The following FRYL variants were observed in gnomAD, a reference collection of about 807,000 sequenced individuals.
The protein encoded by FRYL is FRY like transcription coactivator, also known as protein furry homolog-like.
Under a neutral mutation model 351.2 loss-of-function variants are expected in FRYL, and 150 were observed. The observed-to-expected ratio is 0.43, with a 90% confidence interval of 0.37 to 0.49. The LOEUF is 0.49. FRYL is among the 20% of genes least tolerant of loss of function. FRYL has a pLI of 0.00. For synonymous variants in FRYL, 1,153 were observed against 1,257.1 expected (o/e 0.92, Z 1.75); for missense variants, 3,036 against 3,619.3 (o/e 0.84, Z 4.13).
rs758931104 is a variant in FRYL, at chr4:48,562,878, T to C, written c.3696+11A>G. The C allele has an allele frequency of 6.5e-5, 93 of 1,439,834 alleles. 1 individual carries two copies. The South Asian group carries it at 1.0e-3, about 16-fold the overall frequency. The allele number at this position is 1,439,834 out of a possible 1,614,324, so 89.2% of individuals were successfully genotyped here. On this transcript the variant is annotated intron_variant, in intron 32 of 63. Transcript: ENST00000358350. ...GAGTAAAAAAATATTTAAATTCACA[T>C]GTTTACAAACCTGTAAAAGTTGCAT... is the stretch of plus-strand genomic sequence containing the variant.
At chr4:48,606,849 T>C (rs754220151) in intron 9 of FRYL, among the ~76,000 whole-genome samples, 1 of 151,270 alleles carries the variant, frequency 6.6e-6, no homozygotes, top group African/African-American at 2.5e-5. Context: ...TTTATTCCTA[T>C]AATATTATCA....
At chr4:48,716,925 T>C (rs1408382050) in intron 1 of FRYL, among the ~76,000 whole-genome samples, 4 of 151,002 alleles carry the variant, frequency 2.6e-5, no homozygotes, top group Non-Finnish European at 4.4e-5. Context: ...ATATACACCA[T>C]GGAATACTAT....
At position 48,565,608 on chromosome 4, in the gene FRYL, T is replaced by A. The variant is rs2149079211; in HGVS notation, c.3253A>T (p.Ser1085Cys). 6.2e-7 allele frequency: 1 copy of A among 1,613,956 alleles called. No individual in the cohort carries two copies. The highest frequency in any genetic ancestry group is 8.5e-7 in the Non-Finnish European group (1 of 1,179,960). The change falls in exon 29 of 64, where the codon AGC (serine) becomes TGC (cysteine). Residue 1085 changes from serine (S) to cysteine (C), a missense_variant. Ser to Cys is a moderately radical substitution (Grantham distance 112, BLOSUM62 -1). Around this residue, in one of 7 missense-constraint regions of FRYL, gnomAD observed 1,987 missense variants for 2,311.7 expected, o/e 0.86. Transcript: ENST00000358350. ...MLFSHWAGPF[S>C]IMFTPLDRYS... ...CTGTCCAAGGGCGTAAACATGATGC[T>A]AAAAGGACCTGCCCAGTGACTGAAC...
chr4:48,558,493 A>G (rs1336781389), intron 33 of FRYL, among the ~76,000 whole-genome samples: 2 of 152,224 alleles, frequency 1.3e-5, no homozygotes, highest in Non-Finnish European at 2.9e-5. Context: ...CTGCAGGATG[A>G]AAAAGTTCTA....
intron 3 of FRYL, among the ~76,000 whole-genome samples, chr4:48,639,146 T>C (rs1410206960): frequency 1.3e-5 from 2 of 152,026 alleles, no homozygotes; most frequent in Admixed American, 6.6e-5. Flanking sequence ...ACAAAATTTT[T>C]AGTTTAGAAA....
intron 11 of FRYL, among the ~76,000 whole-genome samples, 158 bp from the exon 12 acceptor site, chr4:48,603,546 C>T (rs1746110639): frequency 6.6e-6 from 1 of 152,256 alleles, no homozygotes; most frequent in East Asian, 1.9e-4. Context: ...ATGTTAAGTA[C>T]ATAAGATAAA....
chr4:48,561,345 C>T, intron 33 of FRYL, 123 bp downstream of exon 33: 2 of 570,768 alleles, frequency 3.5e-6, no homozygotes, highest in Non-Finnish European at 5.6e-6. Context: ...AAAAATATTT[C>T]CTATGTAAAG....
chr4:48,681,715 C>T (rs1483554023), intron 3 of FRYL, among the ~76,000 whole-genome samples: 1 of 152,018 alleles, frequency 6.6e-6, no homozygotes, highest in African/African-American at 2.4e-5. Flanking sequence ...ATCAATGATA[C>T]TTATCAATAG....
rs868641969 is a variant in FRYL at position 48,635,565 on chromosome 4, C to G, written c.-80-1075G>C. ...CTGGCAAATAGTAAGCTGCATCAGG[C>G]TTGGCCCCAAAAGAAGACACACCAC... On this transcript the variant is annotated intron_variant, in intron 3 of 63. Coordinates refer to ENST00000358350, the MANE Select transcript of FRYL (RefSeq NM_015030.2). 1.3e-5 allele frequency among the ~76,000 whole-genome samples: 2 copies of G among 152,302 alleles called. 1 individual carries two copies. Among genetic ancestry groups the G allele is most frequent in the Middle Eastern group, 6.8e-3 (2 of 294 alleles).
chr4:48,729,207 C>T (rs925188357), intron 1 of FRYL, among the ~76,000 whole-genome samples: 1 of 152,206 alleles, frequency 6.6e-6, no homozygotes, highest in Non-Finnish European at 1.5e-5. Flanking sequence ...TGGTTCTATG[C>T]TCACAGTGTA....
chr4:48,632,004 A>T (rs181439754), intron 4 of FRYL, among the ~76,000 whole-genome samples: 17 of 133,584 alleles, frequency 1.3e-4, no homozygotes, highest in Non-Finnish European at 2.2e-4. Flanking sequence ...AGTGAGCCAA[A>T]ATTGCGCCAC....
intron 33 of FRYL, 83 bp downstream of exon 33, chr4:48,561,385 T>C: frequency 1.1e-6 from 1 of 921,480 alleles, no homozygotes; most frequent in Non-Finnish European, 1.5e-6. Context: ...AACCTGTAAT[T>C]TAATAAATTT....
At chr4:48,655,669 A>G (rs777686090) in intron 3 of FRYL, among the ~76,000 whole-genome samples, 1 of 147,402 alleles carries the variant, frequency 6.8e-6, no homozygotes, top group Admixed American at 6.8e-5. Flanking sequence ...TATATAATGT[A>G]TAATGTATTA....
At chr4:48,754,667 G>GT (rs1560358039) in intron 1 of FRYL, among the ~76,000 whole-genome samples, 37 of 33,076 alleles carry the variant, frequency 1.1e-3, no homozygotes, top group South Asian at 3.2e-3. Flanking sequence ...GTTTTTTTGG[G>GT]GTTTTTTTTT....
intron 1 of FRYL, among the ~76,000 whole-genome samples, chr4:48,727,000 A>C (rs1021758555): frequency 6.6e-6 from 1 of 152,246 alleles, no homozygotes; most frequent in Non-Finnish European, 1.5e-5. Context: ...AGGTAGTTTA[A>C]GAGATGGACA....
chr4:48,769,417 T>A (rs1775295781), intron 1 of FRYL, among the ~76,000 whole-genome samples: 1 of 152,168 alleles, frequency 6.6e-6, no homozygotes, highest in Admixed American at 6.5e-5. Context: ...TATAAAATAA[T>A]GATAATACGA....
chr4:48,675,996 G>A (rs961115667), intron 3 of FRYL, among the ~76,000 whole-genome samples: 1 of 152,172 alleles, frequency 6.6e-6, no homozygotes, highest in African/African-American at 2.4e-5. Flanking sequence ...GAGAACCTGT[G>A]TGTCCAAACT....
intron 3 of FRYL, among the ~76,000 whole-genome samples, chr4:48,657,294 T>C (rs777548588): frequency 1.1e-4 from 16 of 151,684 alleles, no homozygotes; most frequent in Admixed American, 3.3e-4. Context: ...CCTCAGCCTT[T>C]CAAGCAGCTG....
chr4:48,703,118 A>C (rs563695699), intron 2 of FRYL, among the ~76,000 whole-genome samples: 1 of 152,194 alleles, frequency 6.6e-6, no homozygotes, highest in Non-Finnish European at 1.5e-5. Context: ...ATGGGATCTC[A>C]TTCTTCCACA....
Sources: allele counts gnomAD v4.1 joint callset (sites outside exome capture counted in the v4.1 genomes callset), GRCh38; gene constraint gnomAD v4.1.1; regional missense constraint gnomAD v4.1.1; transcripts MANE v1.5; gene names NCBI Gene and HGNC (gene_info 2026-07-23, HGNC 2026-07-21).